ARHGEF3: variants seen among roughly 807,000 people sequenced by gnomAD.
The protein encoded by ARHGEF3 is Rho guanine nucleotide exchange factor 3, also known as 59.8 kDA protein.
In ARHGEF3, 28 loss-of-function variants were observed where a neutral mutation model predicts 63.2. That is an observed-to-expected ratio of 0.44 (90% CI 0.33 to 0.61). ARHGEF3 has a LOEUF of 0.61. ARHGEF3 is among the 20% of genes least tolerant of loss of function. The probability of loss-of-function intolerance (pLI) is 0.03; values close to 1 mark genes in which losing one functional copy is unlikely to be tolerated. For synonymous variants in ARHGEF3, 266 were observed against 254.2 expected, an observed-to-expected ratio of 1.05 and a Z score of -0.44; for missense variants, 533 against 659.3, an observed-to-expected ratio of 0.81 and a Z score of 2.10.
At chr3:56,956,049 C>T (rs1700028738) in intron 3 of ARHGEF3, among the ~76,000 whole-genome samples, 1 of 152,282 alleles carries the variant, frequency 6.6e-6, no homozygotes, top group East Asian at 1.9e-4. Context: ...AAGGCAAGGA[C>T]AGGAGATCAA....
At chr3:57,001,371 T>C (rs1245562054) in intron 2 of ARHGEF3, among the ~76,000 whole-genome samples, 1 of 152,252 alleles carries the variant, frequency 6.6e-6, no homozygotes, top group Non-Finnish European at 1.5e-5. Context: ...CTCCTGTGGA[T>C]GAACATTTAG....
At chr3:56,771,328 G>A (rs185424355) in intron 2 of ARHGEF3, among the ~76,000 whole-genome samples, 1 of 152,240 alleles carries the variant, frequency 6.6e-6, no homozygotes, top group East Asian at 1.9e-4. Flanking sequence ...TACCTGTGAA[G>A]GAACCCCAGA....
chr3:56,750,026 C>A (rs1443291802), intron 6 of ARHGEF3, among the ~76,000 whole-genome samples: 1 of 152,084 alleles, frequency 6.6e-6, no homozygotes, highest in African/African-American at 2.4e-5. Context: ...ATAACCTTCA[C>A]AACACTCTCC....
rs184253147 is a variant in ARHGEF3, at chr3:56,930,628, G to A, written c.129+28195C>T. Among the ~76,000 whole-genome samples the A allele has an allele frequency of 2.1e-3, 323 of 152,186 alleles. 2 individuals carry two copies. Among genetic ancestry groups the A allele is most frequent in the Non-Finnish European group, 1.1e-3 (72 of 67,984 alleles). The stretch of plus-strand genomic sequence containing the variant: ...TGTTCACTGCATTTTTTTGACTTTT[G>A]CTCTTTGAGTTTGGTAGTGGAAATA... On this transcript the variant is annotated intron_variant, in intron 3 of 12. Coordinates refer to the ARHGEF3 transcript ENST00000338458.
chr3:57,007,573 T>A (rs1294857706), intron 2 of ARHGEF3, among the ~76,000 whole-genome samples: 1 of 152,164 alleles, frequency 6.6e-6, no homozygotes, highest in Non-Finnish European at 1.5e-5. Context: ...ACAGAGGCCA[T>A]GCCTGCAGTG....
chr3:56,755,191 C>T (rs2107771533), intron 2 of ARHGEF3, 40 bp from the exon 3 acceptor site: 1 of 1,602,850 alleles, frequency 6.2e-7, no homozygotes, highest in East Asian at 2.2e-5. Flanking sequence ...GGGGCAGCGG[C>T]AGGACTGGGT....
intron 1 of ARHGEF3, among the ~76,000 whole-genome samples, chr3:57,047,340 G>A (rs910300131): frequency 1.3e-5 from 2 of 151,902 alleles, no homozygotes; most frequent in Admixed American, 1.3e-4. Context: ...GAATAAGTAA[G>A]ACTCCGTCTC....
At chr3:56,903,646 T>C (rs1334106901) in intron 3 of ARHGEF3, among the ~76,000 whole-genome samples, 1 of 152,200 alleles carries the variant, frequency 6.6e-6, no homozygotes, top group African/African-American at 2.4e-5. Context: ...CTAGCTCACC[T>C]CCTGCCTGAC....
chr3:56,882,248 G>A, intron 4 of ARHGEF3: 1 of 1,512,072 alleles, frequency 6.6e-7, no homozygotes, highest in Non-Finnish European at 9.0e-7. Context: ...TCGGAGAAGA[G>A]AGATGCTCTC....
chr3:57,028,114 C>T (rs561648751), intron 2 of ARHGEF3, among the ~76,000 whole-genome samples: 201 of 150,814 alleles, frequency 1.3e-3, no homozygotes, highest in African/African-American at 4.7e-3. Flanking sequence ...CTAGTTCAAC[C>T]ATTGTGGAAG....
intron 4 of ARHGEF3, among the ~76,000 whole-genome samples, chr3:56,827,764 A>AC (rs1159171387): frequency 8.0e-6 from 1 of 125,720 alleles, no homozygotes; most frequent in African/African-American, 3.0e-5. Flanking sequence ...AAAAAAAAAA[A>AC]AAAAAAAAAC....
intron 6 of ARHGEF3, among the ~76,000 whole-genome samples, chr3:56,747,715 T>A (rs1052751235): frequency 6.6e-6 from 1 of 152,180 alleles, no homozygotes; most frequent in African/African-American, 2.4e-5. Flanking sequence ...TCCCAGCTTC[T>A]TGGGAGGCTG....
In ARHGEF3 at chr3:57,036,451, C is replaced by T. The variant is rs750472784; in HGVS notation, c.-27-1275G>A. Among the ~76,000 whole-genome samples, 8 of 152,080 alleles carry T rather than the reference C, an allele frequency of 5.3e-5. No homozygotes were observed. In the South Asian group the frequency reaches 6.2e-4, roughly 12 times the overall value. On this transcript the variant is annotated intron_variant, in intron 1 of 12. Transcript: ENST00000338458. Reference sequence around the variant, plus strand: ...GCACAGGAGAAGAATATTCCAGTGGCGTGGAGGATTCCTCCCACTATTTCG... The same window carrying T: ...GCACAGGAGAAGAATATTCCAGTGGTGTGGAGGATTCCTCCCACTATTTCG...
chr3:56,995,657 GA>G (rs1560116572), intron 2 of ARHGEF3, among the ~76,000 whole-genome samples: 4 of 122,366 alleles, frequency 3.3e-5, no homozygotes, highest in Non-Finnish European at 3.6e-5. Flanking sequence ...GAGAGAGAGA[GA>G]GAGAGAGAGA....
chr3:56,812,019 A>G (rs1213220268), intron 4 of ARHGEF3, among the ~76,000 whole-genome samples: 2 of 152,324 alleles, frequency 1.3e-5, no homozygotes, highest in African/African-American at 4.8e-5. Flanking sequence ...GACAGGGACC[A>G]TATCTATCTT....
In ARHGEF3 at chr3:56,774,927, A is replaced by AAC. The variant is rs200793116; in HGVS notation, c.97-1112_97-1111insGT. 321 of 662,080 alleles carry AAC rather than the reference A, an allele frequency of 4.8e-4. 1 individual carries two copies. Among genetic ancestry groups the AAC allele is most frequent in the East Asian group, 7.2e-4 (12 of 16,636 alleles). The allele number at this position is 662,080 out of a possible 1,614,324, so 41.0% of individuals were successfully genotyped here. ...CAAACAAACAAACAACAACAACAAC[A>AAC]AAAAAAAAACAGGCTATGGGGAAGA... On this transcript the variant is annotated intron_variant, in intron 1 of 9. Coordinates refer to ENST00000296315, the MANE Select transcript of ARHGEF3 (RefSeq NM_019555.3).
intron 1 of ARHGEF3, among the ~76,000 whole-genome samples, chr3:56,784,972 C>T (rs372953772): frequency 1.3e-5 from 2 of 152,096 alleles, no homozygotes; most frequent in African/African-American, 4.8e-5. Context: ...GGCAGACACC[C>T]GCCTGTTAGT....
intron 2 of ARHGEF3, among the ~76,000 whole-genome samples, chr3:56,762,793 G>C (rs148066455): frequency 6.6e-6 from 1 of 152,148 alleles, no homozygotes; most frequent in African/African-American, 2.4e-5. Flanking sequence ...TTGCCACTGC[G>C]GTGGGTTAAA....
chr3:56,761,922 T>C (rs1464772347), intron 2 of ARHGEF3, among the ~76,000 whole-genome samples: 2 of 152,162 alleles, frequency 1.3e-5, no homozygotes, highest in East Asian at 3.8e-4. Context: ...GGGGTACATG[T>C]GCCCAAATAA....
Sources: allele counts gnomAD v4.1 joint callset (sites outside exome capture counted in the v4.1 genomes callset), GRCh38; gene constraint gnomAD v4.1.1; transcripts MANE v1.5; gene names NCBI Gene and HGNC (gene_info 2026-07-23, HGNC 2026-07-21).